The following SYCP2 variants were observed in gnomAD, a reference collection of about 807,000 sequenced individuals.
SYCP2 encodes the protein synaptonemal complex protein 2, also known as synaptonemal complex lateral element protein.
Under a neutral mutation model 211.3 loss-of-function variants are expected in SYCP2, and 55 were observed. That is an observed-to-expected ratio of 0.26 (90% confidence interval 0.21 to 0.33). The LOEUF (loss-of-function observed/expected upper bound fraction) is 0.33. Among genes scored for constraint, SYCP2 ranks in the 10% least tolerant of loss-of-function variants. SYCP2 has a pLI of 1.00. For synonymous variants in SYCP2, 570 were observed against 555.2 expected (o/e 1.03, Z -0.37); for missense variants, 1,731 against 1,752.0 (o/e 0.99, Z 0.21).
intron 2 of SYCP2, among the ~76,000 whole-genome samples, chr20:59,930,882 T>C (rs1568995595): frequency 6.6e-6 from 1 of 152,194 alleles, no homozygotes; most frequent in East Asian, 1.9e-4. Flanking sequence ...CCAAATTTGA[T>C]ACATTTTGAG....
At position 59,895,456 on chromosome 20, in the gene SYCP2, C is replaced by G. The variant is rs1394925294; in HGVS notation, c.1646G>C (p.Arg549Thr). 1 of 1,610,078 alleles carries G rather than the reference C, an allele frequency of 6.2e-7. No individual in the cohort carries two copies. The highest frequency in any genetic ancestry group is 2.2e-5 in the East Asian group (1 of 44,774). The change falls in exon 20 of 45, where the codon AGA becomes ACA. Residue 549 changes from arginine to threonine, a missense_variant. Arg to Thr is a moderately conservative substitution (Grantham distance 71, BLOSUM62 -1). Around this residue, in one of 3 missense-constraint regions of SYCP2, gnomAD observed 1,387 missense variants for 1,351.3 expected, o/e 1.03. Coordinates refer to ENST00000357552, the MANE Select transcript of SYCP2 (RefSeq NM_014258.4). ...AGTTACTTTGTCTATATTATCTCTT[C>G]TATGTCTTCCTTCTGATGATCTAGA... The part of the protein sequence containing the change: ...LKSRSSEGRH[R>T]RDNIDKHIKT...
intron 30 of SYCP2, among the ~76,000 whole-genome samples, 200 bp from the exon 31 acceptor site, chr20:59,880,671 AATG>A (rs1458402940): frequency 2.0e-5 from 3 of 151,782 alleles, no homozygotes; most frequent in Non-Finnish European, 4.4e-5. Context: ...CAGATCAGAT[AATG>A]ATATTTGTAT....
chr20:59,888,936 G>A (rs189995588), intron 24 of SYCP2, among the ~76,000 whole-genome samples: 5 of 151,594 alleles, frequency 3.3e-5, no homozygotes, highest in East Asian at 3.9e-4. Flanking sequence ...AAACATGTAC[G>A]AGAGAAAAAC....
chr20:59,891,469 A>G (rs905437317), intron 24 of SYCP2, among the ~76,000 whole-genome samples: 1 of 152,100 alleles, frequency 6.6e-6, no homozygotes, highest in East Asian at 1.9e-4. Flanking sequence ...AGTAACAGTT[A>G]CAATAGAAGA....
In SYCP2 at chr20:59,919,589, G is replaced by A. The variant is rs1382790210; in HGVS notation, c.306C>T (p.Ala102=). 1 of 1,598,318 alleles carries A rather than the reference G, an allele frequency of 6.3e-7. No homozygotes were observed. The highest frequency in any genetic ancestry group is 8.5e-7 in the Non-Finnish European group (1 of 1,170,406). ...IKQGLIQKMV[A]WFEKSKDIIQ... is the part of the protein sequence containing the mutation. The stretch of plus-strand genomic sequence containing the variant: ...TAATGTCCTTGGATTTTTCAAACCA[G>A]GCAACCATGTAAAAAAAGGAATGAA... The change falls in exon 6 of 45, where the codon GCC becomes GCT. Residue 102 remains alanine (A), a synonymous_variant. Coordinates refer to ENST00000357552, the MANE Select transcript of SYCP2 (RefSeq NM_014258.4).
Position 59,915,215 on chromosome 20 carries a change from A to G in SYCP2, c.600-16T>C. Reference sequence around the variant, plus strand: ...CATACTACTCCTGTGAATTAAAATAACAGATTACAAAATAGACCAGTATCA... The same window carrying G: ...CATACTACTCCTGTGAATTAAAATAGCAGATTACAAAATAGACCAGTATCA... On this transcript the variant is annotated splice_polypyrimidine_tract_variant and intron_variant, in intron 9 of 44. Coordinates refer to ENST00000357552, the MANE Select transcript of SYCP2 (RefSeq NM_014258.4). The G allele has an allele frequency of 6.4e-7, 1 of 1,553,466 alleles. No homozygotes were observed. Among genetic ancestry groups the G allele is most frequent in the Non-Finnish European group, 8.9e-7 (1 of 1,127,578 alleles).
chr20:59,887,223 T>A (rs911834420), intron 24 of SYCP2, among the ~76,000 whole-genome samples: 7 of 151,050 alleles, frequency 4.6e-5, no homozygotes, highest in African/African-American at 1.7e-4. Context: ...CATCGTTCAA[T>A]TCCCACCTAC....
chr20:59,864,465 A>G, intron 44 of SYCP2, 77 bp from the exon 45 acceptor site: 3 of 1,010,754 alleles, frequency 3.0e-6, no homozygotes, highest in Non-Finnish European at 4.4e-6. Context: ...TAGAAAAAAA[A>G]AAATCAAGCT....
rs1382379502 is a variant in SYCP2, at chr20:59,867,980, AG to A, written c.3989-134del. Reference sequence around the variant, plus strand: ...ACCTAAGGATTATGAAATCAAAGGCAGAAGAGTTCCTTATGTTTTTTTTAAT... The same window carrying A: ...ACCTAAGGATTATGAAATCAAAGGCAAAGAGTTCCTTATGTTTTTTTTAAT... On this transcript the variant is annotated intron_variant, in intron 38 of 44. Coordinates refer to ENST00000357552, the MANE Select transcript of SYCP2 (RefSeq NM_014258.4). 4.7e-6 allele frequency: 3 copies of A among 633,794 alleles called. No homozygotes were observed. In the East Asian group the frequency reaches 9.2e-5, roughly 19 times the overall value. 39.3% of individuals were successfully genotyped at this position (633,794 alleles called of 1,614,324 possible).
chr20:59,879,126 A>G (rs1012867604), intron 31 of SYCP2, among the ~76,000 whole-genome samples: 3 of 152,004 alleles, frequency 2.0e-5, no homozygotes, highest in African/African-American at 7.2e-5. Flanking sequence ...CTAGACTGTA[A>G]GCTCCCTGAG....
chr20:59,930,265 TA>T (rs138119511), intron 2 of SYCP2, among the ~76,000 whole-genome samples: 6,941 of 148,984 alleles, frequency 0.047, 517 homozygotes, highest in African/African-American at 0.16. Context: ...TCCATAATAA[TA>T]AAAAAAAAAT....
At position 59,902,170 on chromosome 20, in the gene SYCP2, C is replaced by T. The variant is rs139627275; in HGVS notation, c.1034-360G>A. 3.3e-3 allele frequency among the ~76,000 whole-genome samples: 500 copies of T among 152,152 alleles called. 4 individuals are homozygous for T. Among genetic ancestry groups the T allele is most frequent in the Admixed American group, 6.0e-3 (92 of 15,268 alleles). On this transcript the variant is annotated intron_variant, in intron 15 of 44. Transcript: ENST00000357552. Reference sequence around the variant, plus strand: ...CAAACAAAAACAATAACTTTAATTCCATATAATTACCATATTTCTAGACAT... The same window carrying T: ...CAAACAAAAACAATAACTTTAATTCTATATAATTACCATATTTCTAGACAT...
intron 33 of SYCP2, 104 bp from the exon 34 acceptor site, chr20:59,875,573 C>T (rs2145637009): frequency 3.7e-6 from 3 of 807,380 alleles, no homozygotes; most frequent in South Asian, 4.1e-5. Context: ...TGTATATTAC[C>T]ACATACAGGC....
At chr20:59,916,144 T>C (rs1263811022) in intron 8 of SYCP2, among the ~76,000 whole-genome samples, 2 of 152,198 alleles carry the variant, frequency 1.3e-5, no homozygotes, top group African/African-American at 4.8e-5. Flanking sequence ...TTATAAGATC[T>C]GAGGAAGCCA....
At chr20:59,915,836 A>G in intron 8 of SYCP2, 1 of 201,404 alleles carries the variant, frequency 5.0e-6, no homozygotes. Flanking sequence ...TCTACCAAAA[A>G]TACAAAAATT....
chr20:59,879,225 A>C (rs1351467245), intron 31 of SYCP2, among the ~76,000 whole-genome samples: 1 of 152,026 alleles, frequency 6.6e-6, no homozygotes, highest in African/African-American at 2.4e-5. Flanking sequence ...ATTTTCCCAT[A>C]AATATGATCT....
intron 44 of SYCP2, among the ~76,000 whole-genome samples, chr20:59,864,668 A>G (rs933785320): frequency 2.0e-5 from 3 of 152,032 alleles, no homozygotes; most frequent in African/African-American, 7.2e-5. Context: ...TAAAATTAAA[A>G]GTCTAGAAAA....
chr20:59,882,286 G>T (rs1188558836), intron 26 of SYCP2, 121 bp from the exon 27 acceptor site: 48 of 749,216 alleles, frequency 6.4e-5, no homozygotes, highest in Middle Eastern at 3.8e-4. Flanking sequence ...AGTTAAAATG[G>T]CTTGTACCAA....
intron 28 of SYCP2, 108 bp downstream of exon 28, chr20:59,881,837 T>C (rs1351429619): frequency 2.7e-6 from 2 of 745,706 alleles, no homozygotes; most frequent in Non-Finnish European, 4.1e-6. Flanking sequence ...TTCTTAAAAA[T>C]TTTAAAGCAT....
Sources: allele counts gnomAD v4.1 joint callset (sites outside exome capture counted in the v4.1 genomes callset), GRCh38; gene constraint gnomAD v4.1.1; regional missense constraint gnomAD v4.1.1; transcripts MANE v1.5; gene names NCBI Gene and HGNC (gene_info 2026-07-23, HGNC 2026-07-21).